Variants in PCDH9 observed in about 807,000 individuals in gnomAD.
The protein encoded by PCDH9 is protocadherin-9.
PCDH9 carries 24 observed loss-of-function variants against 70.6 expected under a neutral mutation model. The ratio of observed to expected loss-of-function variants is 0.34; its 90% CI spans 0.25 to 0.48. PCDH9 has a LOEUF of 0.48. Among genes scored for constraint, PCDH9 ranks in the 20% least tolerant of loss-of-function variants. The pLI, the probability that PCDH9 is intolerant of heterozygous loss-of-function variation, is 0.99. For synonymous variants in PCDH9, 562 were observed against 558.5 expected, an observed-to-expected ratio of 1.01 and a Z score of -0.09; for missense variants, 1,281 against 1,503.6, an observed-to-expected ratio of 0.85 and a Z score of 2.45.
chr13:66,601,339 A>G (rs1280895788), intron 4 of PCDH9, among the ~76,000 whole-genome samples: 1 of 146,268 alleles, frequency 6.8e-6, no homozygotes, highest in African/African-American at 2.5e-5. Context: ...TATTTAAAAT[A>G]CAAACACACA....
At chr13:67,180,920 A>G (rs1396781207) in intron 2 of PCDH9, among the ~76,000 whole-genome samples, 2 of 152,058 alleles carry the variant, frequency 1.3e-5, no homozygotes, top group Non-Finnish European at 2.9e-5. Context: ...TTGTATTGTT[A>G]CCTTTTAGCA....
intron 2 of PCDH9, among the ~76,000 whole-genome samples, chr13:67,133,262 G>A (rs1458460844): frequency 6.6e-6 from 1 of 152,096 alleles, no homozygotes; most frequent in Non-Finnish European, 1.5e-5. Context: ...CCTTAAACTG[G>A]AGAGAAGTTG....
Position 66,476,140 on chromosome 13 carries a change from C to A in PCDH9, c.3340+155070G>T, listed in dbSNP as rs1048415367. Among the ~76,000 whole-genome samples the A allele has an allele frequency of 2.0e-5, 3 of 152,054 alleles. No individual in the cohort carries two copies. The South Asian group carries it at 6.2e-4, about 32-fold the overall frequency. On this transcript the variant is annotated intron_variant, in intron 4 of 4. Transcript: ENST00000377865. ...CAAATGCCCTAGAATCATACCTGAC[C>A]TCACTTATAACACCCCCCTATCTTT...
At chr13:66,348,489 C>T (rs905535023) in intron 4 of PCDH9, among the ~76,000 whole-genome samples, 3 of 151,968 alleles carry the variant, frequency 2.0e-5, no homozygotes, top group Admixed American at 1.3e-4. Flanking sequence ...CTTCCACTTC[C>T]GGGATTCAAG....
chr13:66,579,467 A>G (rs2076860168), intron 4 of PCDH9, among the ~76,000 whole-genome samples: 2 of 152,066 alleles, frequency 1.3e-5, no homozygotes, highest in Non-Finnish European at 2.9e-5. Context: ...TAGGAAAATG[A>G]CTGCTATGAG....
chr13:66,715,663 A>G (rs2078858489), intron 3 of PCDH9, among the ~76,000 whole-genome samples: 1 of 152,316 alleles, frequency 6.6e-6, no homozygotes, highest in Non-Finnish European at 1.5e-5. Flanking sequence ...TGCTTCCACA[A>G]TGATCTACTT....
chr13:66,449,070 G>A (rs1347955956), intron 4 of PCDH9, among the ~76,000 whole-genome samples: 1 of 152,132 alleles, frequency 6.6e-6, no homozygotes, highest in East Asian at 1.9e-4. Flanking sequence ...CAAGAGACAA[G>A]GGGATAAAAT....
chr13:66,373,163 G>C (rs938841192), intron 4 of PCDH9, among the ~76,000 whole-genome samples: 2 of 151,906 alleles, frequency 1.3e-5, no homozygotes, highest in African/African-American at 4.8e-5. Flanking sequence ...CCACAACAGG[G>C]AAGGAAATTC....
At chr13:67,204,483 C>A (rs1470692600) in intron 2 of PCDH9, 2 of 152,072 alleles carry the variant, frequency 1.3e-5, no homozygotes, top group Non-Finnish European at 2.9e-5. Context: ...CATGTCATTC[C>A]TCAACTGCCT....
chr13:66,988,918 G>A (rs376321574), intron 2 of PCDH9, among the ~76,000 whole-genome samples: 24 of 152,072 alleles, frequency 1.6e-4, no homozygotes, highest in African/African-American at 4.8e-4. Flanking sequence ...ACCAGATGAT[G>A]TGCAAAGTTG....
chr13:67,137,814 G>C (rs2087271333), intron 2 of PCDH9, among the ~76,000 whole-genome samples: 1 of 151,970 alleles, frequency 6.6e-6, no homozygotes, highest in African/African-American at 2.4e-5. Context: ...TATTTGATTT[G>C]CTTTGTCCAT....
At chr13:67,075,297 G>T (rs1374430487) in intron 2 of PCDH9, among the ~76,000 whole-genome samples, 1 of 151,848 alleles carries the variant, frequency 6.6e-6, no homozygotes, top group African/African-American at 2.4e-5. Flanking sequence ...ATGCATAAAG[G>T]GGAAAGTTAT....
At chr13:66,449,384 T>C (rs932871941) in intron 4 of PCDH9, among the ~76,000 whole-genome samples, 1 of 152,186 alleles carries the variant, frequency 6.6e-6, no homozygotes, top group African/African-American at 2.4e-5. Flanking sequence ...GTCTGCCTTC[T>C]TTTCTCTTTT....
intron 2 of PCDH9, among the ~76,000 whole-genome samples, chr13:66,965,657 T>C (rs1290811534): frequency 1.3e-5 from 2 of 152,214 alleles, no homozygotes; most frequent in East Asian, 3.9e-4. Context: ...ATTAATTGAT[T>C]GCAGAAGTTT....
At chr13:66,348,147 C>T (rs1956239138) in intron 4 of PCDH9, among the ~76,000 whole-genome samples, 1 of 152,058 alleles carries the variant, frequency 6.6e-6, no homozygotes, top group South Asian at 2.1e-4. Flanking sequence ...CTCCCACTTT[C>T]CTCCCAATCT....
At chr13:66,532,219 G>C (rs1960493484) in intron 4 of PCDH9, among the ~76,000 whole-genome samples, 1 of 151,590 alleles carries the variant, frequency 6.6e-6, no homozygotes, top group Non-Finnish European at 1.5e-5. Flanking sequence ...GCTCAAGCTG[G>C]TCTCAAACTT....
chr13:67,112,296 A>G (rs1044182637), intron 2 of PCDH9, among the ~76,000 whole-genome samples: 5 of 152,174 alleles, frequency 3.3e-5, no homozygotes, highest in Non-Finnish European at 5.9e-5. Flanking sequence ...TTTACCTTCA[A>G]AGTAGATTTA....
intron 2 of PCDH9, among the ~76,000 whole-genome samples, chr13:67,084,984 AAAAAAAAAAAAAAATATATATATAT>A (rs2086069235): frequency 2.5e-5 from 2 of 79,186 alleles, no homozygotes; most frequent in South Asian, 9.3e-4. Flanking sequence ...AAAAAAAAAA[AAAAAAAAAAAAAAATATATATATAT>A]ATATATATAT....
At chr13:67,156,162 A>T (rs1453565097) in intron 2 of PCDH9, among the ~76,000 whole-genome samples, 1 of 151,994 alleles carries the variant, frequency 6.6e-6, no homozygotes, top group African/African-American at 2.4e-5. Flanking sequence ...TCCTGCCTGC[A>T]CGCCCAAATG....
Sources: allele counts gnomAD v4.1 joint callset (sites outside exome capture counted in the v4.1 genomes callset), GRCh38; gene constraint gnomAD v4.1.1; transcripts MANE v1.5; gene names NCBI Gene and HGNC (gene_info 2026-07-23, HGNC 2026-07-21).